Variants in NUP210 observed in about 807,000 individuals in gnomAD.
The protein encoded by NUP210 is nucleoporin 210.
A neutral mutation model predicts 196.0 loss-of-function variants in NUP210; 151 were observed. The observed-to-expected ratio is 0.77, with a 90% CI of 0.67 to 0.88. NUP210 has a LOEUF of 0.88. NUP210 is among the 40% of genes least tolerant of loss of function. The pLI is 0.00. For missense variants in NUP210, 2,314 were observed against 2,493.7 expected, an observed-to-expected ratio of 0.93 and a Z score of 1.53; for synonymous variants, 1,070 against 1,052.7, an observed-to-expected ratio of 1.02 and a Z score of -0.32.
Position 13,416,673 on chromosome 3 carries a change from A to G in NUP210, c.167+3387T>C, listed in dbSNP as rs1700357662. 2.6e-5 allele frequency among the ~76,000 whole-genome samples: 4 copies of G among 152,208 alleles called. No individual in the cohort carries two copies. In the South Asian group the frequency reaches 6.2e-4, roughly 24 times the overall value. ...CCAGAATACCCTGGGACTCCATGAC[A>G]GGGAAAGAATCAATGAGGAGGCAAC... On this transcript the variant is annotated intron_variant, in intron 1 of 39. Transcript: ENST00000254508.
Position 13,347,344 on chromosome 3 carries a change from C to T in NUP210, c.2836-4041G>A. On this transcript the variant is annotated intron_variant, in intron 20 of 39. Transcript: ENST00000254508. This position sits in a 1 kb window ranked among gnomAD's most constrained non-coding sequence, Gnocchi z 4.7. ...AGCAGGCTCCTTCCCCTGCTCTGGT[C>T]ATCTCATGGGTTCCGCCTAGAGGAC... 2 of 985,270 alleles carry T rather than the reference C, an allele frequency of 2.0e-6. No homozygotes were observed. The highest frequency in any genetic ancestry group is 2.4e-6 in the Non-Finnish European group (2 of 829,780). The allele number at this position is 985,270 out of a possible 1,614,324, so 61.0% of individuals were successfully genotyped here. A position where few individuals can be genotyped will look rare whatever the true frequency, so the allele number is the denominator to read the frequency against.
At chr3:13,332,481 C>T in intron 28 of NUP210, 97 bp from the exon 29 acceptor site, 4 of 934,842 alleles carry the variant, frequency 4.3e-6, no homozygotes, top group East Asian at 2.4e-5. Context: ...CGAGGAGGGG[C>T]CAGAGAGGAG....
At chr3:13,373,605 T>C in intron 12 of NUP210, 113 bp downstream of exon 12, 1 of 1,089,600 alleles carries the variant, frequency 9.2e-7, no homozygotes, top group Non-Finnish European at 1.4e-6. Context: ...AGCTCCTAAG[T>C]ACAGGACCCA....
chr3:13,332,031 TA>T (rs1019381268), intron 29 of NUP210, among the ~76,000 whole-genome samples: 4 of 152,112 alleles, frequency 2.6e-5, no homozygotes, highest in African/African-American at 9.7e-5. Flanking sequence ...TTTTCCCTTT[TA>T]AAGACTGAAT....
chr3:13,352,596 T>C (rs928275073), intron 18 of NUP210, among the ~76,000 whole-genome samples: 3 of 152,132 alleles, frequency 2.0e-5, no homozygotes, highest in Non-Finnish European at 4.4e-5. Context: ...GAGAGGACAA[T>C]GACAGCCCTC....
intron 13 of NUP210, among the ~76,000 whole-genome samples, chr3:13,366,540 T>C (rs1327438328): frequency 7.9e-5 from 11 of 138,862 alleles, no homozygotes; most frequent in Non-Finnish European, 1.5e-4. Context: ...TTTTTTGAGA[T>C]AGAGTCTCAC....
chr3:13,319,994 A>G lies in NUP210; in HGVS notation c.5167-15T>C. On this transcript the variant is annotated splice_polypyrimidine_tract_variant and intron_variant, in intron 36 of 39. Transcript: ENST00000254508. ...CCGGATTTCACCTGGAAGAGACATCAGAGCTGGGGGTGCACATTCTGCAGA... is the reference window on the plus strand; with the variant it reads ...CCGGATTTCACCTGGAAGAGACATCGGAGCTGGGGGTGCACATTCTGCAGA... 1 of 1,611,684 alleles carries G rather than the reference A, an allele frequency of 6.2e-7. No homozygotes were observed. The highest frequency in any genetic ancestry group is 8.5e-7 in the Non-Finnish European group (1 of 1,179,388).
At chr3:13,318,472 C>T (rs552741151) in intron 39 of NUP210, among the ~76,000 whole-genome samples, 62 of 152,284 alleles carry the variant, frequency 4.1e-4, no homozygotes, top group African/African-American at 1.4e-3. Context: ...TCAGCAGACA[C>T]GAGCTCGAGG....
chr3:13,329,476 G>C (rs1400812424), intron 30 of NUP210, among the ~76,000 whole-genome samples: 1 of 152,194 alleles, frequency 6.6e-6, no homozygotes, highest in Non-Finnish European at 1.5e-5. Context: ...TCAAAAGCTA[G>C]TGCTCCAAAG....
intron 13 of NUP210, among the ~76,000 whole-genome samples, chr3:13,369,921 G>A (rs2124907245): frequency 6.6e-6 from 1 of 152,334 alleles, no homozygotes; most frequent in Non-Finnish European, 1.5e-5. Flanking sequence ...GGCCAGCCTG[G>A]GCCAGGGCTA....
At chr3:13,418,447 G>T (rs1011084202) in intron 1 of NUP210, among the ~76,000 whole-genome samples, 8 of 151,924 alleles carry the variant, frequency 5.3e-5, no homozygotes, top group Non-Finnish European at 5.9e-5. Flanking sequence ...ACAAAAATTG[G>T]CCAGACAAGC....
Position 13,360,431 on chromosome 3 carries a change from CA to C in NUP210, c.1992del (p.Phe664LeufsTer47). ...VTLGSSKEML[F>X]EGGPRPWILE... ...AGGATCCAAGGTCTGGGACCTCCTT[CA>C]AACAGCATCTCCTTTGAGGAGCCCA... On this transcript the variant is annotated frameshift_variant, in exon 15 of 40. Transcript: ENST00000254508. LOFTEE classifies it high-confidence loss of function. 1 of 1,613,918 alleles carries C rather than the reference CA, an allele frequency of 6.2e-7. No homozygotes were observed. Among genetic ancestry groups the C allele is most frequent in the Non-Finnish European group, 8.5e-7 (1 of 1,179,938 alleles).
rs570997713 is a variant in NUP210 at position 13,343,402 on chromosome 3, C to T, written c.2836-99G>A. 37 of 1,435,728 alleles carry T rather than the reference C, an allele frequency of 2.6e-5. No homozygotes were observed. The African/African-American group carries it at 4.3e-4, about 17-fold the overall frequency. The allele number at this position is 1,435,728 out of a possible 1,614,324, so 88.9% of individuals were successfully genotyped here. ...TGTGAGCAGTGCCTCGCCCTCAGCA[C>T]CAGCCTATCACCTCATGGGATGCCA... On this transcript the variant is annotated intron_variant, in intron 20 of 39. Transcript: ENST00000254508.
At chr3:13,369,261 T>C (rs1698644862) in intron 13 of NUP210, among the ~76,000 whole-genome samples, 2 of 152,242 alleles carry the variant, frequency 1.3e-5, no homozygotes, top group African/African-American at 4.8e-5. Flanking sequence ...CTCTGCCTAC[T>C]GTTTGATTGG....
chr3:13,409,231 T>C (rs1206155706), intron 1 of NUP210, among the ~76,000 whole-genome samples: 1 of 152,244 alleles, frequency 6.6e-6, no homozygotes, highest in Non-Finnish European at 1.5e-5. Context: ...GGTCTGAATG[T>C]CTGTGTCCTC....
chr3:13,409,748 C>T (rs1700105223), intron 1 of NUP210, among the ~76,000 whole-genome samples: 1 of 151,978 alleles, frequency 6.6e-6, no homozygotes, highest in Admixed American at 6.6e-5. Context: ...AGGCCTCCCA[C>T]CTTTACCTGG....
intron 36 of NUP210, among the ~76,000 whole-genome samples, chr3:13,320,477 C>G (rs1261839282): frequency 6.7e-6 from 1 of 149,104 alleles, no homozygotes; most frequent in East Asian, 2.0e-4. Flanking sequence ...ATTAAAAAAA[C>G]AAAAAATTAG....
chr3:13,340,630 T>C lies in NUP210; in HGVS notation c.3229-332A>G, dbSNP rs776796787. Among the ~76,000 whole-genome samples, 1 of 152,180 alleles carries C rather than the reference T, an allele frequency of 6.6e-6. No homozygotes were observed. The highest frequency in any genetic ancestry group is 1.5e-5 in the Non-Finnish European group (1 of 68,020). On this transcript the variant is annotated intron_variant, in intron 23 of 39. Transcript: ENST00000254508. This position sits in a 1 kb window ranked among gnomAD's most constrained non-coding sequence, Gnocchi z 4.0. ...CCCCTTAGAGCAGCGGTTCTCAGTG[T>C]GTGGTCACTAAGCAGCAATGTCAGC...
At chr3:13,354,865 A>C (rs1307972905) in intron 16 of NUP210, among the ~76,000 whole-genome samples, 1 of 152,018 alleles carries the variant, frequency 6.6e-6, no homozygotes, top group East Asian at 1.9e-4. Flanking sequence ...GATTCCCACC[A>C]CTCTGGGGTG....
Sources: gnomAD v4.1 joint callset for allele counts (sites outside exome capture counted in the v4.1 genomes callset) on GRCh38, gnomAD v4.1.1 for gene constraint, Gnocchi (gnomAD v3.1) non-coding constraint, MANE v1.5 for transcripts, NCBI Gene and HGNC (gene_info 2026-07-23, HGNC 2026-07-21) for gene names.